Variants in PSMC1 observed in about 807,000 individuals in gnomAD.
The protein encoded by PSMC1 is proteasome 26S subunit, ATPase 1.
Under a neutral mutation model 49.8 loss-of-function variants are expected in PSMC1, and 5 were observed. The observed-to-expected ratio is 0.10, with a 90% CI of 0.05 to 0.21. PSMC1 has a LOEUF of 0.21. Among genes scored for constraint, PSMC1 ranks in the 10% least tolerant of loss-of-function variants. PSMC1 has a pLI of 1.00. For synonymous variants in PSMC1, 155 were observed against 192.1 expected (o/e 0.81, Z 1.60); for missense variants, 181 against 535.7 (o/e 0.34, Z 6.54).
In PSMC1 at chr14:90,264,177, T is replaced by C; in HGVS notation, c.594+8T>C. 1 of 1,612,346 alleles carries C rather than the reference T, an allele frequency of 6.2e-7. No homozygotes were observed. The highest frequency in any genetic ancestry group is 8.5e-7 in the Non-Finnish European group (1 of 1,179,610). Reference sequence around the variant, plus strand: ...CAAATTCAGGAAATTAAGGTATGATTGATTGGTAACCATCTCTGGGTTTCA... The same window carrying C: ...CAAATTCAGGAAATTAAGGTATGATCGATTGGTAACCATCTCTGGGTTTCA... On this transcript the variant is annotated splice_region_variant and intron_variant, in intron 6 of 10. Transcript: ENST00000261303.
At chr14:90,263,033 G>A (rs921767716) in intron 3 of PSMC1, among the ~76,000 whole-genome samples, 2 of 152,126 alleles carry the variant, frequency 1.3e-5, no homozygotes, top group Admixed American at 6.5e-5. Flanking sequence ...GGTATCTGAT[G>A]GGTCAGTAGC....
chr14:90,261,682 G>A (rs943512036), intron 3 of PSMC1, among the ~76,000 whole-genome samples: 2 of 152,134 alleles, frequency 1.3e-5, no homozygotes, highest in Non-Finnish European at 2.9e-5. Flanking sequence ...GGAGAAATAG[G>A]AACACTTTTA....
intron 3 of PSMC1, among the ~76,000 whole-genome samples, chr14:90,261,569 G>A (rs1418458255): frequency 6.6e-6 from 1 of 152,144 alleles, no homozygotes; most frequent in Non-Finnish European, 1.5e-5. Context: ...TTCCATCAGA[G>A]AAATGCAAAT....
intron 10 of PSMC1, chr14:90,271,812 C>T (rs995570637): frequency 6.5e-6 from 1 of 153,116 alleles, no homozygotes; most frequent in Admixed American, 6.5e-5. Flanking sequence ...ATGCTTAAAA[C>T]ATTTTTTTTA....
At chr14:90,257,756 C>T (rs894473337) in intron 1 of PSMC1, among the ~76,000 whole-genome samples, 1 of 152,154 alleles carries the variant, frequency 6.6e-6, no homozygotes, top group African/African-American at 2.4e-5. Context: ...CTACGCCCGG[C>T]TAATTTTTGT....
At chr14:90,270,505 T>G in intron 10 of PSMC1, 153 bp downstream of exon 10, 1 of 832,522 alleles carries the variant, frequency 1.2e-6, no homozygotes, top group African/African-American at 1.7e-5. Context: ...AAATGGTATA[T>G]GTGCTTGATA....
intron 1 of PSMC1, among the ~76,000 whole-genome samples, chr14:90,257,105 G>A (rs936873252): frequency 1.3e-5 from 2 of 152,196 alleles, no homozygotes; most frequent in African/African-American, 4.8e-5. Flanking sequence ...TGTTATGACA[G>A]GCGGAGCTAA....
chr14:90,269,390 T>TTC lies in PSMC1; in HGVS notation c.882-7_882-6insTC. On this transcript the variant is annotated splice_region_variant and splice_polypyrimidine_tract_variant and intron_variant, in intron 8 of 10. Coordinates refer to ENST00000261303, the MANE Select transcript of PSMC1 (RefSeq NM_002802.3). Reference sequence around the variant, plus strand: ...TCTTCATTCCTTCCCTTTTTTTTTTTCCAAAGATATGACTCCAATTCTGGT... The same window carrying TTC: ...TCTTCATTCCTTCCCTTTTTTTTTTTTCCCAAAGATATGACTCCAATTCTGGT... 2 of 1,595,870 alleles carry TTC rather than the reference T, an allele frequency of 1.3e-6. No homozygotes were observed. The highest frequency in any genetic ancestry group is 1.7e-6 in the Non-Finnish European group (2 of 1,174,108).
chr14:90,269,656 G>C (rs901774115), intron 9 of PSMC1, 108 bp downstream of exon 9: 20 of 1,245,606 alleles, frequency 1.6e-5, no homozygotes, highest in Non-Finnish European at 2.2e-5. Flanking sequence ...AAATACTGCA[G>C]TGAAACTTAG....
intron 5 of PSMC1, 31 bp downstream of exon 5, chr14:90,263,878 CG>C (rs764026656): frequency 1.2e-6 from 2 of 1,611,382 alleles, no homozygotes; most frequent in South Asian, 1.1e-5. Context: ...AGAAAGCCCA[CG>C]GAAGTGCTTT....
chr14:90,266,557 T>A (rs1358957660), intron 7 of PSMC1, among the ~76,000 whole-genome samples: 1 of 152,154 alleles, frequency 6.6e-6, no homozygotes, highest in Non-Finnish European at 1.5e-5. Context: ...GTTGAGCTAG[T>A]AACAGGGCTG....
In PSMC1 at chr14:90,268,397, G is replaced by A. The variant is rs148097391; in HGVS notation, c.865G>A (p.Ala289Thr). 4 of 1,613,166 alleles carry A rather than the reference G, an allele frequency of 2.5e-6. No individual in the cohort carries two copies. The highest frequency in any genetic ancestry group is 2.2e-5 in the South Asian group (2 of 90,852). The change falls in exon 8 of 11, where the codon GCC (alanine) becomes ACC (threonine). Residue 289 changes from alanine (A) to threonine (T), a missense_variant. By Grantham distance (58) the Ala-to-Thr change is moderately conservative. Around this residue, in one of 3 missense-constraint regions of PSMC1, gnomAD observed 121 missense variants for 358.6 expected, o/e 0.34. Coordinates refer to ENST00000261303, the MANE Select transcript of PSMC1 (RefSeq NM_002802.3). ...PSIVFIDEIDAIGTKRYDSNS... is the reference protein window; with the variant it reads ...PSIVFIDEIDTIGTKRYDSNS... The stretch of plus-strand genomic sequence containing the variant: ...CATCGTGTTTATTGATGAAATTGAC[G>A]CCATTGGGACAAAAAGGTAGACTTT...
Position 90,265,127 on chromosome 14 carries a change from C to A in PSMC1, c.652C>A (p.Pro218Thr). 1 of 1,613,158 alleles carries A rather than the reference C, an allele frequency of 6.2e-7. No homozygotes were observed. Among genetic ancestry groups the A allele is most frequent in the Non-Finnish European group, 8.5e-7 (1 of 1,179,646 alleles). ...ATATTATGAAGAGATGGGTATAAAG[C>A]CTCCTAAGGGGGTCATTCTCTATGG... is the stretch of plus-strand genomic sequence containing the variant. Reference protein sequence around the residue: ...PEYYEEMGIKPPKGVILYGPP... With the variant: ...PEYYEEMGIKTPKGVILYGPP... Residue 218 changes from proline to threonine, a missense_variant, in exon 7 of 11, where the codon CCT (proline) becomes ACT (threonine). Coordinates refer to ENST00000261303, the MANE Select transcript of PSMC1 (RefSeq NM_002802.3).
chr14:90,266,626 T>C (rs1891522875), intron 7 of PSMC1, among the ~76,000 whole-genome samples: 1 of 152,142 alleles, frequency 6.6e-6, no homozygotes, highest in Non-Finnish European at 1.5e-5. Context: ...GCTCTAGTAC[T>C]AAAGGGGCTG....
At chr14:90,257,084 C>G (rs1171679329) in intron 1 of PSMC1, among the ~76,000 whole-genome samples, 1 of 152,132 alleles carries the variant, frequency 6.6e-6, no homozygotes, top group Non-Finnish European at 1.5e-5. Flanking sequence ...TGAAGGAGGC[C>G]TTAAAGACGT....
At chr14:90,262,309 TAAAAA>T (rs1291666451) in intron 3 of PSMC1, among the ~76,000 whole-genome samples, 2 of 151,720 alleles carry the variant, frequency 1.3e-5, no homozygotes, top group African/African-American at 4.8e-5. Context: ...ATAATAAAAT[TAAAAA>T]AATATAAAAG....
intron 1 of PSMC1, 83 bp downstream of exon 1, chr14:90,256,683 G>A: frequency 1.9e-6 from 3 of 1,547,156 alleles, no homozygotes; most frequent in Non-Finnish European, 2.6e-6. Flanking sequence ...AGAGGCGGCT[G>A]CCCGAGGAAC....
At chr14:90,264,335 G>A (rs903708326) in intron 6 of PSMC1, among the ~76,000 whole-genome samples, 166 bp downstream of exon 6, 3 of 152,226 alleles carry the variant, frequency 2.0e-5, no homozygotes, top group African/African-American at 7.2e-5. Flanking sequence ...ACTGAGTTAG[G>A]TGATAGAAAT....
At chr14:90,270,085 A>C (rs1157796977) in intron 9 of PSMC1, 113 bp from the exon 10 acceptor site, 11 of 1,131,674 alleles carry the variant, frequency 9.7e-6, no homozygotes, top group Non-Finnish European at 1.4e-5. Context: ...TCCTTCCCAC[A>C]GAATTCTGTC....
Sources: gnomAD v4.1 joint callset for allele counts (sites outside exome capture counted in the v4.1 genomes callset) on GRCh38, gnomAD v4.1.1 for gene constraint, gnomAD v4.1.1 regional missense constraint, MANE v1.5 for transcripts, NCBI Gene and HGNC (gene_info 2026-07-23, HGNC 2026-07-21) for gene names.